DGKB: variants seen among roughly 807,000 people sequenced by gnomAD.
The protein encoded by DGKB is diacylglycerol kinase beta.
In DGKB, 67 loss-of-function variants were observed where a neutral mutation model predicts 114.3. The ratio of observed to expected loss-of-function variants is 0.59; its 90% CI spans 0.48 to 0.72. DGKB has a LOEUF of 0.72. Among genes scored for constraint, DGKB ranks in the 30% least tolerant of loss-of-function variants. The pLI is 0.00. For synonymous variants in DGKB, 398 were observed against 323.1 expected (o/e 1.23, Z -2.49); for missense variants, 907 against 975.2 (o/e 0.93, Z 0.93).
chr7:14,490,640 A>C (rs557289994), intron 20 of DGKB, among the ~76,000 whole-genome samples: 3 of 152,298 alleles, frequency 2.0e-5, no homozygotes, highest in African/African-American at 7.2e-5. Context: ...AAGCTGTCCT[A>C]CTGGCTTTGA....
chr7:14,316,076 TGAAACCA>T lies in DGKB; in HGVS notation c.2122+22432_2122+22438del, dbSNP rs1362943524. Among the ~76,000 whole-genome samples the T allele has an allele frequency of 6.0e-5, 9 of 150,782 alleles. No homozygotes were observed. In the East Asian group the frequency reaches 1.8e-3, roughly 29 times the overall value. The stretch of plus-strand genomic sequence containing the variant: ...TGAAGGCAGAAATAAAGATGTTCTT[TGAAACCA>T]ACGAGAACAAAGACACAACATACCA... On this transcript the variant is annotated intron_variant, in intron 23 of 25. Transcript: ENST00000402815.
chr7:14,848,325 G>T (rs1056541719), intron 1 of DGKB, among the ~76,000 whole-genome samples: 1 of 152,124 alleles, frequency 6.6e-6, no homozygotes, highest in African/African-American at 2.4e-5. Flanking sequence ...TTGAGTGCAG[G>T]AAATGGAAAG....
chr7:14,428,929 A>T (rs1029673967), intron 21 of DGKB, among the ~76,000 whole-genome samples: 2 of 152,020 alleles, frequency 1.3e-5, no homozygotes, highest in African/African-American at 4.8e-5. Flanking sequence ...AAAAATATAA[A>T]TTTTTTATCT....
intron 15 of DGKB, among the ~76,000 whole-genome samples, chr7:14,614,427 G>T (rs1585120334): frequency 6.6e-6 from 1 of 151,860 alleles, no homozygotes; most frequent in South Asian, 2.1e-4. Flanking sequence ...TCAGCTAATT[G>T]TGTCCTCTAA....
intron 4 of DGKB, among the ~76,000 whole-genome samples, chr7:14,744,083 T>C (rs760660058): frequency 2.6e-5 from 4 of 152,222 alleles, no homozygotes; most frequent in Non-Finnish European, 5.9e-5. Context: ...CTGGTCCTTG[T>C]TTTGTTATTC....
chr7:14,548,179 A>T (rs1447943702), intron 20 of DGKB, among the ~76,000 whole-genome samples: 1 of 152,228 alleles, frequency 6.6e-6, no homozygotes, highest in Non-Finnish European at 1.5e-5. Context: ...ATTTATTTAC[A>T]TGTGAGTGAT....
intron 6 of DGKB, among the ~76,000 whole-genome samples, chr7:14,705,725 A>C (rs1356208365): frequency 6.6e-6 from 1 of 151,246 alleles, no homozygotes; most frequent in African/African-American, 2.4e-5. Flanking sequence ...AAGCTTCATA[A>C]GTGAAGGAGA....
intron 17 of DGKB, among the ~76,000 whole-genome samples, chr7:14,595,436 A>C (rs1378573900): frequency 6.6e-6 from 1 of 152,104 alleles, no homozygotes; most frequent in Admixed American, 6.6e-5. Flanking sequence ...ACTATTGAAC[A>C]TAATAAGTTA....
At chr7:14,940,315 A>C (rs1283109715) in intron 1 of DGKB, among the ~76,000 whole-genome samples, 5 of 151,180 alleles carry the variant, frequency 3.3e-5, no homozygotes, top group Admixed American at 2.6e-4. Flanking sequence ...CCTTTTTAAG[A>C]TGACAGATAC....
intron 2 of DGKB, among the ~76,000 whole-genome samples, chr7:14,828,777 C>T (rs941347309): frequency 2.0e-5 from 3 of 152,026 alleles, no homozygotes; most frequent in Admixed American, 1.3e-4. Context: ...CTCAAGTCAC[C>T]ATTATTATTT....
intron 9 of DGKB, among the ~76,000 whole-genome samples, chr7:14,686,212 C>T (rs923342751): frequency 5.9e-5 from 9 of 152,020 alleles, no homozygotes; most frequent in Non-Finnish European, 8.8e-5. Context: ...CTCTCTATAT[C>T]ATAATAGCTA....
intron 20 of DGKB, among the ~76,000 whole-genome samples, chr7:14,538,557 C>T (rs1792912644): frequency 6.6e-6 from 1 of 151,796 alleles, no homozygotes; most frequent in African/African-American, 2.4e-5. Context: ...GTTGCAGCCA[C>T]TATGATAAAA....
chr7:14,788,884 A>G (rs1489816115), intron 2 of DGKB, among the ~76,000 whole-genome samples: 1 of 152,082 alleles, frequency 6.6e-6, no homozygotes, highest in African/African-American at 2.4e-5. Context: ...CCTGCTTTTA[A>G]AAAAACCGTA....
intron 25 of DGKB, among the ~76,000 whole-genome samples, chr7:14,170,148 AGAAAGAAAGAAAGAAAG>A (rs766122202): frequency 2.0e-5 from 1 of 50,178 alleles, no homozygotes; most frequent in Non-Finnish European, 3.5e-5. Context: ...AAAAAAAAAA[AGAAAGAAAGAAAGAAAG>A]AAAGAAAGAA....
At chr7:14,422,701 C>T (rs1826901202) in intron 21 of DGKB, among the ~76,000 whole-genome samples, 1 of 151,810 alleles carries the variant, frequency 6.6e-6, no homozygotes, top group Non-Finnish European at 1.5e-5. Flanking sequence ...CATTTTAGTA[C>T]TTAATCCTAT....
intron 23 of DGKB, among the ~76,000 whole-genome samples, chr7:14,302,950 G>A (rs370313767): frequency 6.6e-6 from 1 of 152,110 alleles, no homozygotes; most frequent in East Asian, 1.9e-4. Flanking sequence ...AAGACTTTGT[G>A]CAATTCCTAA....
intron 2 of DGKB, among the ~76,000 whole-genome samples, chr7:14,764,667 G>T (rs1463069998): frequency 6.6e-6 from 1 of 151,614 alleles, no homozygotes; most frequent in African/African-American, 2.4e-5. Flanking sequence ...TAAAGAAAGT[G>T]AGAGTTAATC....
At chr7:14,780,783 T>C (rs1838969084) in intron 2 of DGKB, among the ~76,000 whole-genome samples, 1 of 152,234 alleles carries the variant, frequency 6.6e-6, no homozygotes, top group Non-Finnish European at 1.5e-5. Context: ...TATTCACCCA[T>C]ATAAGTTGCC....
At chr7:14,486,132 G>A (rs922096879) in intron 20 of DGKB, among the ~76,000 whole-genome samples, 3 of 152,046 alleles carry the variant, frequency 2.0e-5, no homozygotes, top group African/African-American at 4.8e-5. Context: ...GTTGCAGAGG[G>A]CAGTGATACC....
Sources: allele counts gnomAD v4.1 joint callset (sites outside exome capture counted in the v4.1 genomes callset), GRCh38; gene constraint gnomAD v4.1.1; transcripts MANE v1.5; gene names NCBI Gene and HGNC (gene_info 2026-07-23, HGNC 2026-07-21).